The following SEMA3C variants were observed in gnomAD, a reference collection of about 807,000 sequenced individuals.
SEMA3C encodes semaphorin 3C.
Under a neutral mutation model 89.4 loss-of-function variants are expected in SEMA3C, and 47 were observed. The ratio of observed to expected loss-of-function variants is 0.53; its 90% CI spans 0.42 to 0.67. SEMA3C has a LOEUF of 0.67. Ranked by LOEUF, SEMA3C falls within the 30% of genes least tolerant of loss-of-function variation. The pLI is 0.00. For missense variants in SEMA3C, 839 were observed against 929.1 expected, an observed-to-expected ratio of 0.90 and a Z score of 1.26; for synonymous variants, 310 against 320.2, an observed-to-expected ratio of 0.97 and a Z score of 0.34.
intron 12 of SEMA3C, among the ~76,000 whole-genome samples, chr7:80,788,000 T>G (rs1788843284): frequency 1.3e-5 from 2 of 151,966 alleles, no homozygotes; most frequent in South Asian, 4.1e-4. Context: ...ACCATAAAGC[T>G]GAAATTATAT....
chr7:80,828,799 A>C, intron 2 of SEMA3C, 54 bp from the exon 3 acceptor site: 1 of 1,292,096 alleles, frequency 7.7e-7, no homozygotes, highest in East Asian at 2.4e-5. Flanking sequence ...CTATAATTCT[A>C]TTATTTTAAT....
intron 15 of SEMA3C, among the ~76,000 whole-genome samples, chr7:80,756,631 C>T (rs1035768501): frequency 1.3e-5 from 2 of 152,190 alleles, no homozygotes. Context: ...TTCTTCCTAT[C>T]GTTCCTTTTC....
rs375465057 is a variant in SEMA3C at position 80,887,153 on chromosome 7, A to G, written c.103+29526T>C. Reference sequence around the variant, plus strand: ...ATTTTACAAAGCAGATCCAAAATTTAAGGCATAATACATTAAGCACATTTA... The same window carrying G: ...ATTTTACAAAGCAGATCCAAAATTTGAGGCATAATACATTAAGCACATTTA... On this transcript the variant is annotated intron_variant, in intron 2 of 17. Transcript: ENST00000265361. Among the ~76,000 whole-genome samples, 7 of 152,316 alleles carry G rather than the reference A, an allele frequency of 4.6e-5. No individual in the cohort carries two copies. In the East Asian group the frequency reaches 1.2e-3, roughly 25 times the overall value.
chr7:80,909,213 T>C (rs937170017), intron 2 of SEMA3C, among the ~76,000 whole-genome samples: 1 of 152,158 alleles, frequency 6.6e-6, no homozygotes, highest in Admixed American at 6.6e-5. Flanking sequence ...AATTTAGAAG[T>C]TGCTTCTTCA....
intron 12 of SEMA3C, among the ~76,000 whole-genome samples, chr7:80,766,896 A>G (rs1310563600): frequency 1.3e-5 from 2 of 152,178 alleles, no homozygotes; most frequent in South Asian, 2.1e-4. Flanking sequence ...CATGGGCACA[A>G]CTCCAGTAAA....
intron 2 of SEMA3C, among the ~76,000 whole-genome samples, chr7:80,880,463 T>C (rs961472729): frequency 1.3e-5 from 2 of 152,246 alleles, no homozygotes; most frequent in African/African-American, 4.8e-5. Flanking sequence ...ATGAATTTGA[T>C]GCTGTGGTGA....
At chr7:80,762,014 G>T (rs912166278) in intron 13 of SEMA3C, among the ~76,000 whole-genome samples, 2 of 150,626 alleles carry the variant, frequency 1.3e-5, no homozygotes, top group African/African-American at 4.9e-5. Context: ...GCTTGAACCT[G>T]GGAGGCGAAG....
intron 12 of SEMA3C, among the ~76,000 whole-genome samples, chr7:80,771,204 C>T (rs1033845864): frequency 3.3e-5 from 5 of 152,168 alleles, no homozygotes; most frequent in Non-Finnish European, 7.3e-5. Context: ...AGTTTTAGCT[C>T]CATCGCTGAG....
chr7:80,808,512 G>C (rs1789392155), intron 6 of SEMA3C, among the ~76,000 whole-genome samples: 1 of 152,026 alleles, frequency 6.6e-6, no homozygotes, highest in Non-Finnish European at 1.5e-5. Context: ...CTCCCTGTCC[G>C]ACTTGAATGC....
chr7:80,793,146 C>T (rs1284037766), intron 11 of SEMA3C, among the ~76,000 whole-genome samples: 1 of 152,162 alleles, frequency 6.6e-6, no homozygotes. Context: ...ATTTGTTTAT[C>T]AAGCAGTGAT....
At position 80,802,724 on chromosome 7, in the gene SEMA3C, G is replaced by A. The variant is rs144950231; in HGVS notation, c.857C>T (p.Ala286Val). ...LVNKWTTFLK[A>V]RLVCSVTDED... ...ATCTGTTACCGAGCACACCAGCCTC[G>A]CCTTTAAGAAAGTGGTCCACTTGTT... is the stretch of plus-strand genomic sequence containing the variant. Residue 286 changes from alanine to valine, a missense_variant, in exon 9 of 18, where the codon GCG becomes GTG. By Grantham distance (64) the Ala-to-Val change is moderately conservative (BLOSUM62 0). Coordinates refer to ENST00000265361, the MANE Select transcript of SEMA3C (RefSeq NM_006379.5). The A allele has an allele frequency of 3.7e-6, 6 of 1,613,236 alleles. No homozygotes were observed. The highest frequency in any genetic ancestry group is 1.6e-4 in the Middle Eastern group (1 of 6,080).
intron 14 of SEMA3C, among the ~76,000 whole-genome samples, chr7:80,761,403 G>A (rs971212589): frequency 2.6e-5 from 4 of 152,082 alleles, no homozygotes; most frequent in Admixed American, 1.3e-4. Context: ...GTTCTGCTCC[G>A]ACAAACTTTT....
At chr7:80,875,060 G>C (rs542810229) in intron 2 of SEMA3C, among the ~76,000 whole-genome samples, 49 of 151,486 alleles carry the variant, frequency 3.2e-4, no homozygotes, top group Admixed American at 2.2e-3. Flanking sequence ...CTCCAGCCTG[G>C]GCGATGGAGC....
chr7:80,860,344 G>A (rs1790742463), intron 2 of SEMA3C, among the ~76,000 whole-genome samples: 1 of 152,020 alleles, frequency 6.6e-6, no homozygotes, highest in African/African-American at 2.4e-5. Flanking sequence ...ATATTTTGAT[G>A]ATACTTTTAT....
chr7:80,747,240 A>G (rs1787823625), intron 17 of SEMA3C, among the ~76,000 whole-genome samples: 1 of 152,130 alleles, frequency 6.6e-6, no homozygotes, highest in Non-Finnish European at 1.5e-5. Context: ...CATATTCTTG[A>G]GCATTCTGAA....
chr7:80,820,074 T>TA (rs1554373183), intron 4 of SEMA3C, among the ~76,000 whole-genome samples: 6 of 146,146 alleles, frequency 4.1e-5, no homozygotes, highest in African/African-American at 1.5e-4. Flanking sequence ...TTTTTTTTTT[T>TA]AGAGACAGAG....
intron 15 of SEMA3C, among the ~76,000 whole-genome samples, chr7:80,754,359 AAAG>A (rs1287175020): frequency 6.6e-6 from 1 of 152,188 alleles, no homozygotes; most frequent in Non-Finnish European, 1.5e-5. Flanking sequence ...GTTTGTACAC[AAAG>A]AAAATAGTTT....
At chr7:80,807,769 AAT>A (rs1158006343) in intron 6 of SEMA3C, among the ~76,000 whole-genome samples, 1 of 152,198 alleles carries the variant, frequency 6.6e-6, no homozygotes, top group Non-Finnish European at 1.5e-5. Context: ...CTGGTCATTT[AAT>A]AGATATAAAT....
intron 12 of SEMA3C, among the ~76,000 whole-genome samples, chr7:80,776,947 T>TA: frequency 6.6e-6 from 1 of 152,152 alleles, no homozygotes; most frequent in African/African-American, 2.4e-5. Flanking sequence ...AATGCATAGC[T>TA]ATATACTAAT....
Sources: gnomAD v4.1 joint callset for allele counts (sites outside exome capture counted in the v4.1 genomes callset) on GRCh38, gnomAD v4.1.1 for gene constraint, MANE v1.5 for transcripts, NCBI Gene and HGNC (gene_info 2026-07-23, HGNC 2026-07-21) for gene names.